Variants in GJC2 observed in about 807,000 individuals in gnomAD.
GJC2 encodes gap junction gamma-2 protein.
For missense variants in GJC2, 647 were observed against 648.9 expected (o/e 1.00, Z 0.03); for synonymous variants, 336 against 307.5 (o/e 1.09, Z -0.97).
In GJC2 at chr1:228,150,394, A is replaced by C. The variant is rs1039237308; in HGVS notation, c.-20+387A>C. Among the ~76,000 whole-genome samples, 2 of 152,138 alleles carry C rather than the reference A, an allele frequency of 1.3e-5. No individual in the cohort carries two copies. Among genetic ancestry groups the C allele is most frequent in the Non-Finnish European group, 2.9e-5 (2 of 67,992 alleles). ...AACACCAGCCAGCTGCATTGTGTCC[A>C]GGCCCAGTCCCCCACCCTCAGCGGC... On this transcript the variant is annotated intron_variant, in intron 1 of 1. Transcript: ENST00000366714. This position sits in a 1 kb window ranked among gnomAD's most constrained non-coding sequence, Gnocchi z 4.6.
At position 228,152,626 on chromosome 1, in the gene GJC2, C is replaced by A. The variant is rs1325115014; in HGVS notation, c.-20+2619C>A. Among the ~76,000 whole-genome samples, 1 of 151,902 alleles carries A rather than the reference C, an allele frequency of 6.6e-6. No homozygotes were observed. Among genetic ancestry groups the A allele is most frequent in the East Asian group, 1.9e-4 (1 of 5,146 alleles). The stretch of plus-strand genomic sequence containing the variant: ...TCTTGCTGCGCACCCCTTTGAAGCC[C>A]TTCCTGTGAGCCCCCGATGCCACCA... On this transcript the variant is annotated intron_variant, in intron 1 of 1. Coordinates refer to ENST00000366714, the MANE Select transcript of GJC2 (RefSeq NM_020435.4). The surrounding 1 kb of genome is among the most constrained non-coding windows in gnomAD (Gnocchi z 7.3).
chr1:228,158,840 G>C lies in GJC2; in HGVS notation c.1082G>C (p.Gly361Ala). The change falls in exon 2 of 2, where the codon GGG (glycine) becomes GCG (alanine). Residue 361 changes from glycine to alanine, a missense_variant. Coordinates refer to ENST00000366714, the MANE Select transcript of GJC2 (RefSeq NM_020435.4). This position sits in a 1 kb window ranked among gnomAD's most constrained non-coding sequence, Gnocchi z 8.3. Reference protein sequence around the residue: ...ANLALQALRDGAAAGDRDRDS... With the variant: ...ANLALQALRDAAAAGDRDRDS... ...CTGGCCCTGCAGGCGCTGCGCGACG[G>C]GGCAGCGGCTGGGGACCGCGACCGG... 1 of 1,469,730 alleles carries C rather than the reference G, an allele frequency of 6.8e-7. No homozygotes were observed. Among genetic ancestry groups the C allele is most frequent in the Non-Finnish European group, 9.0e-7 (1 of 1,115,622 alleles). 91.0% of individuals were successfully genotyped at this position (1,469,730 alleles called of 1,614,324 possible). A position where few individuals can be genotyped will look rare whatever the true frequency, so the allele number is the denominator to read the frequency against.
rs1307474305 is a variant in GJC2, at chr1:228,150,325, C to T, written c.-20+318C>T. Among the ~76,000 whole-genome samples the T allele has an allele frequency of 6.6e-6, 1 of 152,128 alleles. No homozygotes were observed. Among genetic ancestry groups the T allele is most frequent in the Non-Finnish European group, 1.5e-5 (1 of 67,990 alleles). Reference sequence around the variant, plus strand: ...GAGGGGGGTGCCTTCAGTACCTCCCCCAGCAGCTGGGGCCCCTCAGGTAGT... The same window carrying T: ...GAGGGGGGTGCCTTCAGTACCTCCCTCAGCAGCTGGGGCCCCTCAGGTAGT... On this transcript the variant is annotated intron_variant, in intron 1 of 1. Coordinates refer to ENST00000366714, the MANE Select transcript of GJC2 (RefSeq NM_020435.4). This position sits in a 1 kb window ranked among gnomAD's most constrained non-coding sequence, Gnocchi z 4.6.
Position 228,157,738 on chromosome 1 carries a change from A to ACGGGGGGG in GJC2, c.-19-2_-19-1insCGGGGGGG. On this transcript the variant is annotated splice_acceptor_variant, in intron 1 of 1. Coordinates refer to ENST00000366714, the MANE Select transcript of GJC2 (RefSeq NM_020435.4). LOFTEE classifies it low-confidence loss of function (5UTR_SPLICE). ...CTGGCTGACCCCTACCCCGCCCCAC[A>ACGGGGGGG]GGACCCGCCCGCCCGCCCCTATGAC... 1.5e-6 allele frequency: 1 copy of ACGGGGGGG among 660,972 alleles called. No homozygotes were observed. The highest frequency in any genetic ancestry group is 2.7e-6 in the Non-Finnish European group (1 of 363,806). The allele number at this position is 660,972 out of a possible 1,614,324, so 40.9% of individuals were successfully genotyped here.
intron 1 of GJC2, among the ~76,000 whole-genome samples, chr1:228,156,470 T>A (rs989697300): frequency 2.0e-5 from 3 of 152,238 alleles, no homozygotes; most frequent in African/African-American, 7.2e-5. Flanking sequence ...TGGGTATGTA[T>A]CTGAGTGTGT....
rs12120597 is a variant in GJC2, at chr1:228,151,145, G to C, written c.-20+1138G>C. ...AGAACAGGCTGCAGGAGGGGCCCAC[G>C]CATTCACAGCGCCAACAACCCCAGG... On this transcript the variant is annotated intron_variant, in intron 1 of 1. Transcript: ENST00000366714. This position sits in a 1 kb window ranked among gnomAD's most constrained non-coding sequence, Gnocchi z 5.4. Among the ~76,000 whole-genome samples, 1,050 of 152,232 alleles carry C rather than the reference G, an allele frequency of 6.9e-3. 13 individuals carry two copies. The highest frequency in any genetic ancestry group is 0.031 in the East Asian group (162 of 5,156).
At position 228,159,066 on chromosome 1, in the gene GJC2, C is replaced by T. The variant is rs751678965; in HGVS notation, c.1308C>T (p.Thr436=). The change falls in exon 2 of 2, where the codon ACC becomes ACT. Residue 436 remains threonine (T), a synonymous_variant. Coordinates refer to ENST00000366714, the MANE Select transcript of GJC2 (RefSeq NM_020435.4). The surrounding 1 kb of genome is among the most constrained non-coding windows in gnomAD (Gnocchi z 4.0). ...GSASSRDGKT[T]VWI ...CCAGCAGCAGGGACGGGAAGACCAC[C>T]GTGTGGATCTGAGGGCGCTGGCTTG... The T allele has an allele frequency of 6.8e-6, 11 of 1,610,490 alleles. No individual in the cohort carries two copies. Among genetic ancestry groups the T allele is most frequent in the South Asian group, 6.6e-5 (6 of 90,972 alleles).
Position 228,151,869 on chromosome 1 carries a change from G to A in GJC2, c.-20+1862G>A, listed in dbSNP as rs913210703. ...GGCTGACCGTCCCAGGGCCTGGGCT[G>A]TCCAGGACAGGCAGCTGGGGGCTCA... On this transcript the variant is annotated intron_variant, in intron 1 of 1. Coordinates refer to ENST00000366714, the MANE Select transcript of GJC2 (RefSeq NM_020435.4). The surrounding 1 kb of genome is among the most constrained non-coding windows in gnomAD (Gnocchi z 5.4). Among the ~76,000 whole-genome samples the A allele has an allele frequency of 1.3e-5, 2 of 152,158 alleles. No homozygotes were observed. Among genetic ancestry groups the A allele is most frequent in the African/African-American group, 2.4e-5 (1 of 41,432 alleles).
chr1:228,156,391 G>A (rs761713476), intron 1 of GJC2, among the ~76,000 whole-genome samples: 1 of 152,242 alleles, frequency 6.6e-6, no homozygotes, highest in Non-Finnish European at 1.5e-5. Context: ...GTGTGTGCAT[G>A]GGTATCTGCA....
rs559021726 is a variant in GJC2, at chr1:228,158,796, T to A, written c.1038T>A (p.His346Gln). The change falls in exon 2 of 2, where the codon CAT (histidine) becomes CAA (glutamine). Residue 346 changes from histidine (H) to glutamine (Q), a missense_variant. Coordinates refer to ENST00000366714, the MANE Select transcript of GJC2 (RefSeq NM_020435.4). This position sits in a 1 kb window ranked among gnomAD's most constrained non-coding sequence, Gnocchi z 8.3. Reference sequence around the variant, plus strand: ...GGGCGGCCGAGCGCGCTCGGGCGCATGACCAGAACCTGGCAAACCTGGCCC... The same window carrying A: ...GGGCGGCCGAGCGCGCTCGGGCGCAAGACCAGAACCTGGCAAACCTGGCCC... ...VVRAAERARA[H>Q]DQNLANLALQ... is the part of the protein sequence containing the mutation. 1.9e-5 allele frequency: 27 copies of A among 1,429,604 alleles called. No individual in the cohort carries two copies. Among genetic ancestry groups the A allele is most frequent in the Admixed American group, 1.0e-4 (4 of 38,618 alleles). 88.6% of individuals were successfully genotyped at this position (1,429,604 alleles called of 1,614,324 possible). A position where few individuals can be genotyped will look rare whatever the true frequency, so the allele number is the denominator to read the frequency against.
rs7524743 is a variant in GJC2, at chr1:228,151,238, G to A, written c.-20+1231G>A. Among the ~76,000 whole-genome samples the A allele has an allele frequency of 4.2e-3, 637 of 152,210 alleles. 3 individuals carry two copies. The highest frequency in any genetic ancestry group is 5.7e-3 in the Non-Finnish European group (387 of 67,972). The stretch of plus-strand genomic sequence containing the variant: ...TGCCTTGCCACCTGCACGTGTGCAC[G>A]GCCCTGGCAAGGCCTGGGGATCCCA... On this transcript the variant is annotated intron_variant, in intron 1 of 1. Coordinates refer to ENST00000366714, the MANE Select transcript of GJC2 (RefSeq NM_020435.4). The surrounding 1 kb of genome is among the most constrained non-coding windows in gnomAD (Gnocchi z 5.4).
intron 1 of GJC2, among the ~76,000 whole-genome samples, chr1:228,155,571 T>C (rs1410385032): frequency 6.6e-6 from 1 of 151,804 alleles, no homozygotes; most frequent in Non-Finnish European, 1.5e-5. Context: ...ATGTTGGGGG[T>C]GGCAGCAGGC....
Position 228,157,737 on chromosome 1 carries a change from C to CGGGGGGGGGGGGG in GJC2, c.-19-3_-19-2insGGGGGGGGGGGGG. The stretch of plus-strand genomic sequence containing the variant: ...CCTGGCTGACCCCTACCCCGCCCCA[C>CGGGGGGGGGGGGG]AGGACCCGCCCGCCCGCCCCTATGA... On this transcript the variant is annotated splice_region_variant and splice_polypyrimidine_tract_variant and intron_variant, in intron 1 of 1. Coordinates refer to ENST00000366714, the MANE Select transcript of GJC2 (RefSeq NM_020435.4). 1 of 682,662 alleles carries CGGGGGGGGGGGGG rather than the reference C, an allele frequency of 1.5e-6. No individual in the cohort carries two copies. 42.3% of individuals were successfully genotyped at this position (682,662 alleles called of 1,614,324 possible).
rs760795118 is a variant in GJC2, at chr1:228,158,093, G to C, written c.335G>C (p.Arg112Pro). The C allele has an allele frequency of 5.3e-6, 8 of 1,520,304 alleles. No individual in the cohort carries two copies. Among genetic ancestry groups the C allele is most frequent in the Middle Eastern group, 2.3e-4 (1 of 4,442 alleles). 94.2% of individuals were successfully genotyped at this position (1,520,304 alleles called of 1,614,324 possible). ...LARASEQERR[R>P]ALRRRPGPRR... Reference sequence around the variant, plus strand: ...CGTGCGTCTGAGCAGGAGCGGCGCCGCGCCCTCCGCCGCCGCCCGGGGCCA... The same window carrying C: ...CGTGCGTCTGAGCAGGAGCGGCGCCCCGCCCTCCGCCGCCGCCCGGGGCCA... The change falls in exon 2 of 2, where the codon CGC becomes CCC. Residue 112 changes from arginine to proline, a missense_variant. Physicochemically the swap from Arg to Pro is moderately radical, Grantham distance 103. Coordinates refer to ENST00000366714, the MANE Select transcript of GJC2 (RefSeq NM_020435.4). The surrounding 1 kb of genome is among the most constrained non-coding windows in gnomAD (Gnocchi z 8.3).
intron 1 of GJC2, among the ~76,000 whole-genome samples, chr1:228,154,086 C>T (rs1055121638): frequency 3.3e-5 from 5 of 152,116 alleles, no homozygotes; most frequent in African/African-American, 1.2e-4. Flanking sequence ...GTGACATGCT[C>T]CTCATAATGA....
intron 1 of GJC2, among the ~76,000 whole-genome samples, chr1:228,154,065 C>A (rs1319954193): frequency 6.6e-6 from 1 of 152,140 alleles, no homozygotes; most frequent in Non-Finnish European, 1.5e-5. Context: ...TTGCTGACGT[C>A]TTGCATTAGC....
intron 1 of GJC2, among the ~76,000 whole-genome samples, chr1:228,153,581 C>CTTT (rs149136887): frequency 1.1e-5 from 1 of 93,158 alleles, no homozygotes; most frequent in Non-Finnish European, 2.1e-5. Flanking sequence ...TTTCTCTTTT[C>CTTT]TTTTTTTTTT....
Position 228,158,933 on chromosome 1 carries a change from C to T in GJC2, c.1175C>T (p.Ser392Phe), listed in dbSNP as rs1356633840. The change falls in exon 2 of 2, where the codon TCC (serine) becomes TTC (phenylalanine). Residue 392 changes from serine (S) to phenylalanine (F), a missense_variant. Ser to Phe is a radical substitution (Grantham distance 155). Coordinates refer to ENST00000366714, the MANE Select transcript of GJC2 (RefSeq NM_020435.4). This position sits in a 1 kb window ranked among gnomAD's most constrained non-coding sequence, Gnocchi z 8.3. The stretch of plus-strand genomic sequence containing the variant: ...CCCCCCAGAGCAGGCGCCCCCGCGT[C>T]CCGGACGGGCAGTGCTACCTCTGCG... ...RGPPRAGAPA[S>F]RTGSATSAGT... 4 of 1,534,604 alleles carry T rather than the reference C, an allele frequency of 2.6e-6. No individual in the cohort carries two copies. The highest frequency in any genetic ancestry group is 1.2e-5 in the South Asian group (1 of 84,874).
intron 1 of GJC2, among the ~76,000 whole-genome samples, chr1:228,153,581 C>CTTTT (rs149136887): frequency 5.4e-5 from 5 of 93,146 alleles, no homozygotes; most frequent in South Asian, 4.2e-4. Context: ...TTTCTCTTTT[C>CTTTT]TTTTTTTTTT....
Sources: gnomAD v4.1 joint callset for allele counts (sites outside exome capture counted in the v4.1 genomes callset) on GRCh38, gnomAD v4.1.1 for gene constraint, Gnocchi (gnomAD v3.1) non-coding constraint, MANE v1.5 for transcripts, NCBI Gene and HGNC (gene_info 2026-07-23, HGNC 2026-07-21) for gene names.